LIN28B: variants seen among roughly 807,000 people sequenced by gnomAD.
LIN28B encodes the protein protein lin-28 homolog B.
LIN28B carries 5 observed loss-of-function variants against 21.9 expected under a neutral mutation model. That is an observed-to-expected ratio of 0.23 (90% confidence interval 0.12 to 0.48). The LOEUF is 0.48. LIN28B is among the 20% of genes least tolerant of loss of function. The pLI is 0.98. For missense variants in LIN28B, 245 were observed against 310.5 expected (o/e 0.79, Z 1.58); for synonymous variants, 109 against 111.3 (o/e 0.98, Z 0.13).
intron 2 of LIN28B, among the ~76,000 whole-genome samples, chr6:104,987,564 A>C (rs1351528053): frequency 6.6e-6 from 1 of 152,108 alleles, no homozygotes; most frequent in Non-Finnish European, 1.5e-5. Flanking sequence ...GGGCTCAAGC[A>C]GTTCTCCTGC....
chr6:104,948,479 AAAATTAT>A (rs1778183903), intron 2 of LIN28B, among the ~76,000 whole-genome samples: 1 of 152,206 alleles, frequency 6.6e-6, no homozygotes, highest in South Asian at 2.1e-4. Flanking sequence ...AAAAAGAAAA[AAAATTAT>A]TACATATAAA....
chr6:105,038,773 A>C (rs73771342), intron 3 of LIN28B, among the ~76,000 whole-genome samples: 4,250 of 152,304 alleles, frequency 0.028, 208 homozygotes, highest in African/African-American at 0.098. Context: ...AAAAGAAAAA[A>C]CAAAGCCTGA....
At chr6:104,965,923 G>T (rs1769846892) in intron 2 of LIN28B, among the ~76,000 whole-genome samples, 1 of 152,168 alleles carries the variant, frequency 6.6e-6, no homozygotes, top group African/African-American at 2.4e-5. Context: ...TTGTAAGATA[G>T]TATAGAATGA....
chr6:105,008,788 GTTTTAC>G (rs983372511), intron 2 of LIN28B, among the ~76,000 whole-genome samples: 2 of 152,122 alleles, frequency 1.3e-5, no homozygotes, highest in African/African-American at 4.8e-5. Context: ...AATGGAATTT[GTTTTAC>G]TTTGAGTTCA....
intron 3 of LIN28B, among the ~76,000 whole-genome samples, chr6:105,047,158 A>G (rs2114377096): frequency 6.6e-6 from 1 of 152,258 alleles, no homozygotes; most frequent in East Asian, 1.9e-4. Context: ...TAGGTCTAAC[A>G]TTTAAGTCTT....
intron 2 of LIN28B, among the ~76,000 whole-genome samples, chr6:104,937,361 C>G (rs539868688): frequency 7.2e-5 from 11 of 152,252 alleles, no homozygotes; most frequent in African/African-American, 2.2e-4. Flanking sequence ...GCAGTCTCGG[C>G]TCGCTGCAAC....
At chr6:105,021,866 A>G (rs1321647064) in intron 2 of LIN28B, among the ~76,000 whole-genome samples, 1 of 152,138 alleles carries the variant, frequency 6.6e-6, no homozygotes, top group East Asian at 1.9e-4. Flanking sequence ...TTGAGGTCTT[A>G]CCAAGTAAGA....
chr6:105,018,708 GCTTCCTTCCTTT>G (rs767002021), intron 2 of LIN28B, among the ~76,000 whole-genome samples: 3 of 151,714 alleles, frequency 2.0e-5, no homozygotes, highest in African/African-American at 4.8e-5. Flanking sequence ...TCATGTATTT[GCTTCCTTCCTTT>G]CTTCCTTCCT....
At chr6:105,027,298 C>T (rs1270234171) in intron 3 of LIN28B, among the ~76,000 whole-genome samples, 2 of 152,108 alleles carry the variant, frequency 1.3e-5, no homozygotes, top group African/African-American at 4.8e-5. Flanking sequence ...GAAAGTGAGA[C>T]AGCTCATTGA....
intron 2 of LIN28B, among the ~76,000 whole-genome samples, chr6:104,994,602 A>T (rs1770561816): frequency 6.6e-6 from 1 of 152,228 alleles, no homozygotes; most frequent in Admixed American, 6.5e-5. Context: ...TTCATTTGTC[A>T]GGGTGTTAAA....
chr6:105,026,993 AT>A (rs2114342092), intron 3 of LIN28B, among the ~76,000 whole-genome samples: 1 of 152,236 alleles, frequency 6.6e-6, no homozygotes, highest in Admixed American at 6.5e-5. Context: ...ATTATAGAAT[AT>A]TTCATGTCAA....
At position 105,059,989 on chromosome 6, in the gene LIN28B, C is replaced by T. The variant is rs570996003; in HGVS notation, c.384-18425C>T. Among the ~76,000 whole-genome samples, 8 of 150,838 alleles carry T rather than the reference C, an allele frequency of 5.3e-5. No individual in the cohort carries two copies. The South Asian group carries it at 6.4e-4, about 12-fold the overall frequency. On this transcript the variant is annotated intron_variant, in intron 3 of 3. Transcript: ENST00000345080. Reference sequence around the variant, plus strand: ...TGCAATCTCAACTCACCACAACCTCCGCCTCCCAGGTTCAAGCGATTCTCC... The same window carrying T: ...TGCAATCTCAACTCACCACAACCTCTGCCTCCCAGGTTCAAGCGATTCTCC...
chr6:105,072,094 G>C (rs1772343957), intron 3 of LIN28B, among the ~76,000 whole-genome samples: 1 of 151,968 alleles, frequency 6.6e-6, no homozygotes, highest in African/African-American at 2.4e-5. Context: ...GTGTCTGTGT[G>C]TGTGTGTGTG....
chr6:104,977,743 T>C (rs1472668911), intron 2 of LIN28B, among the ~76,000 whole-genome samples: 1 of 152,098 alleles, frequency 6.6e-6, no homozygotes, highest in Non-Finnish European at 1.5e-5. Flanking sequence ...AATTTTTGTA[T>C]TTTTAGTAGA....
chr6:104,982,795 T>TTTTA (rs201065610), intron 2 of LIN28B, among the ~76,000 whole-genome samples: 2,723 of 152,176 alleles, frequency 0.018, 85 homozygotes, highest in African/African-American at 0.062. Context: ...TTCTAAACAT[T>TTTTA]TTTATTTATT....
In LIN28B at chr6:104,988,676, A is replaced by AT. The variant is rs1770398951; in HGVS notation, c.198+30392dup. The stretch of plus-strand genomic sequence containing the variant: ...AACCTCCGCCTCCCAGGTTCAAGTG[A>AT]TTCTCCTGCCTCCGCCTCCGCTTTG... On this transcript the variant is annotated intron_variant, in intron 2 of 3. Transcript: ENST00000345080. Among the ~76,000 whole-genome samples, 3 of 149,878 alleles carry AT rather than the reference A, an allele frequency of 2.0e-5. No homozygotes were observed. In the South Asian group the frequency reaches 6.3e-4, roughly 31 times the overall value.
intron 3 of LIN28B, among the ~76,000 whole-genome samples, chr6:105,042,854 G>T (rs1771664042): frequency 6.6e-6 from 1 of 152,078 alleles, no homozygotes; most frequent in African/African-American, 2.4e-5. Context: ...CCTTTAACAT[G>T]AGTACAGAGG....
intron 2 of LIN28B, among the ~76,000 whole-genome samples, chr6:104,981,224 C>T (rs1770216828): frequency 6.6e-6 from 1 of 152,022 alleles, no homozygotes; most frequent in African/African-American, 2.4e-5. Context: ...TTTTCCTCCC[C>T]TTTTTCTCAA....
At chr6:105,077,080 A>C (rs1772441608) in intron 3 of LIN28B, among the ~76,000 whole-genome samples, 1 of 151,926 alleles carries the variant, frequency 6.6e-6, no homozygotes. Context: ...AAATACAAAA[A>C]TTAGCCGGGC....
Sources: gnomAD v4.1 joint callset for allele counts (sites outside exome capture counted in the v4.1 genomes callset) on GRCh38, gnomAD v4.1.1 for gene constraint, MANE v1.5 for transcripts, NCBI Gene and HGNC (gene_info 2026-07-23, HGNC 2026-07-21) for gene names.